Variants in PLD1 observed in about 807,000 individuals in gnomAD.
The protein encoded by PLD1 is choline phosphatase 1.
Under a neutral mutation model 137.1 loss-of-function variants are expected in PLD1, and 112 were observed. That is an observed-to-expected ratio of 0.82 (90% CI 0.70 to 0.96). The LOEUF (loss-of-function observed/expected upper bound fraction) is 0.96. Among genes scored for constraint, PLD1 ranks in the 40% least tolerant of loss-of-function variants. The probability of loss-of-function intolerance (pLI) is 0.00; values close to 1 mark genes in which losing one functional copy is unlikely to be tolerated. For missense variants in PLD1, 1,321 were observed against 1,342.0 expected (o/e 0.98, Z 0.24); for synonymous variants, 431 against 454.7 (o/e 0.95, Z 0.66).
chr3:171,654,064 G>C, intron 21 of PLD1: 1 of 381,530 alleles, frequency 2.6e-6, no homozygotes, highest in Non-Finnish European at 5.1e-6. Context: ...ACTTTGGGAG[G>C]CCGAGGTGGG....
intron 1 of PLD1, among the ~76,000 whole-genome samples, chr3:171,758,856 T>C (rs1388062516): frequency 1.3e-5 from 2 of 152,222 alleles, no homozygotes; most frequent in Non-Finnish European, 2.9e-5. Flanking sequence ...TAACTGAATC[T>C]ATAGGGAGTG....
At chr3:171,668,260 A>G (rs182571921) in intron 19 of PLD1, among the ~76,000 whole-genome samples, 3 of 152,356 alleles carry the variant, frequency 2.0e-5, no homozygotes, top group Admixed American at 2.0e-4. Context: ...GTGTTAGTCC[A>G]TGAAGGCCTG....
rs558362475 is a variant in PLD1, at chr3:171,743,498, T to C, written c.-31-5416A>G. The stretch of plus-strand genomic sequence containing the variant: ...CAGCTAATGCTTCCTTTTCCCTGCA[T>C]GTCTTCCTGGCCTCATCCAACCTGC... On this transcript the variant is annotated intron_variant, in intron 1 of 26. Transcript: ENST00000351298. 4.6e-5 allele frequency among the ~76,000 whole-genome samples: 7 copies of C among 152,314 alleles called. No homozygotes were observed. The East Asian group carries it at 1.2e-3, about 25-fold the overall frequency.
At chr3:171,708,229 A>G (rs1716850003) in intron 11 of PLD1, among the ~76,000 whole-genome samples, 1 of 152,208 alleles carries the variant, frequency 6.6e-6, no homozygotes, top group African/African-American at 2.4e-5. Context: ...GGTGACTTTA[A>G]TAAGCATAGC....
chr3:171,651,118 A>G (rs978659929), intron 21 of PLD1, among the ~76,000 whole-genome samples: 29 of 152,212 alleles, frequency 1.9e-4, no homozygotes, highest in African/African-American at 5.8e-4. Context: ...TCTGCTCACA[A>G]CTGGGTCTCA....
At chr3:171,776,977 G>A (rs948539233) in intron 1 of PLD1, among the ~76,000 whole-genome samples, 4 of 151,534 alleles carry the variant, frequency 2.6e-5, no homozygotes, top group Admixed American at 1.3e-4. Context: ...GTTCACAGAC[G>A]ACTTTGGCCC....
In PLD1 at chr3:171,770,888, C is replaced by CAAAAAAAAAAAAAAAAAAAAAAAAA. The variant is rs34683994; in HGVS notation, c.-31-32807_-31-32806insTTTTTTTTTTTTTTTTTTTTTTTTT. Among the ~76,000 whole-genome samples the CAAAAAAAAAAAAAAAAAAAAAAAAA allele has an allele frequency of 3.4e-4, 14 of 40,876 alleles. 1 individual carries two copies. The highest frequency in any genetic ancestry group is 1.0e-3 in the African/African-American group (13 of 12,600). The allele number at this position is 40,876 out of a possible 152,430, so 26.8% of individuals were successfully genotyped here. ...TTGGTGACAGAGCAAAACCCTATCTCAAAAAAAAAAAAAAAAAAAAAAAGG... is the reference window on the plus strand; with the variant it reads ...TTGGTGACAGAGCAAAACCCTATCTCAAAAAAAAAAAAAAAAAAAAAAAAAAAAAAAAAAAAAAAAAAAAAAAAGG... On this transcript the variant is annotated intron_variant, in intron 1 of 26. Transcript: ENST00000351298.
chr3:171,764,086 C>T (rs1203815789), intron 1 of PLD1, among the ~76,000 whole-genome samples: 1 of 152,096 alleles, frequency 6.6e-6, no homozygotes, highest in East Asian at 1.9e-4. Flanking sequence ...ATCCTCCCAC[C>T]TCAGCCTCCC....
intron 1 of PLD1, 38 bp from the exon 2 acceptor site, chr3:171,738,120 T>TTA: frequency 8.0e-7 from 1 of 1,255,214 alleles, no homozygotes; most frequent in Non-Finnish European, 1.1e-6. Flanking sequence ...ACTTAGCATT[T>TTA]TGATAACATA....
chr3:171,765,655 T>A (rs1442721740), intron 1 of PLD1, among the ~76,000 whole-genome samples: 2 of 152,222 alleles, frequency 1.3e-5, no homozygotes, highest in Non-Finnish European at 2.9e-5. Flanking sequence ...CATTTTGGGC[T>A]TCAGTGACTT....
At chr3:171,800,663 C>T (rs1336599446) in intron 1 of PLD1, among the ~76,000 whole-genome samples, 2 of 152,236 alleles carry the variant, frequency 1.3e-5, no homozygotes, top group Non-Finnish European at 2.9e-5. Flanking sequence ...TTAGTCCACT[C>T]AGGCTACTGT....
At chr3:171,703,102 G>A (rs1008224383) in intron 11 of PLD1, among the ~76,000 whole-genome samples, 3 of 151,000 alleles carry the variant, frequency 2.0e-5, no homozygotes, top group East Asian at 4.0e-4. Flanking sequence ...GGAGAAAAAC[G>A]TTATTATTCA....
intron 12 of PLD1, among the ~76,000 whole-genome samples, chr3:171,695,113 A>G (rs1715560077): frequency 6.6e-6 from 1 of 152,214 alleles, no homozygotes; most frequent in Non-Finnish European, 1.5e-5. Flanking sequence ...AACTCTAGCC[A>G]TAAAGGGCAA....
chr3:171,633,040 G>T (rs556043864), intron 23 of PLD1, among the ~76,000 whole-genome samples: 1 of 152,178 alleles, frequency 6.6e-6, no homozygotes, highest in Non-Finnish European at 1.5e-5. Flanking sequence ...TGATCTAAAA[G>T]AAAGATAATG....
At chr3:171,698,067 T>C (rs1247992459) in intron 12 of PLD1, among the ~76,000 whole-genome samples, 5 of 152,202 alleles carry the variant, frequency 3.3e-5, no homozygotes, top group African/African-American at 1.2e-4. Flanking sequence ...AATAGAATCT[T>C]GAGGGAAAAT....
Position 171,623,312 on chromosome 3 carries a change from A to ATTTTT in PLD1, c.2594-2793_2594-2792insAAAAA, listed in dbSNP as rs760981558. On this transcript the variant is annotated intron_variant, in intron 23 of 26. Coordinates refer to ENST00000351298, the MANE Select transcript of PLD1 (RefSeq NM_002662.5). ...AGCTATGAGTCATTAGCCCTATCAGACTTTTTTTTTTTTTTTTTTTGAGAT... is the reference window on the plus strand; with the variant it reads ...AGCTATGAGTCATTAGCCCTATCAGATTTTTCTTTTTTTTTTTTTTTTTTTGAGAT... Among the ~76,000 whole-genome samples the ATTTTT allele has an allele frequency of 4.3e-5, 6 of 138,962 alleles. 1 individual carries two copies. Among genetic ancestry groups the ATTTTT allele is most frequent in the Non-Finnish European group, 6.2e-5 (4 of 64,790 alleles). 91.2% of individuals were successfully genotyped at this position (138,962 alleles called of 152,430 possible).
intron 16 of PLD1, among the ~76,000 whole-genome samples, chr3:171,678,955 T>G (rs1172803357): frequency 6.6e-6 from 1 of 151,704 alleles, no homozygotes; most frequent in Admixed American, 6.6e-5. Flanking sequence ...GATATCCTAA[T>G]CATCCTTCAA....
intron 22 of PLD1, among the ~76,000 whole-genome samples, chr3:171,643,666 C>A (rs182957015): frequency 2.2e-3 from 338 of 152,010 alleles, no homozygotes; most frequent in Non-Finnish European, 3.8e-3. Context: ...AACAATATTA[C>A]AAAAATAATA....
rs7616760 is a variant in PLD1, at chr3:171,729,473, C to T, written c.607-3397G>A. 6.9e-3 allele frequency among the ~76,000 whole-genome samples: 1,051 copies of T among 152,268 alleles called. 12 individuals carry two copies. The highest frequency in any genetic ancestry group is 0.02 in the African/African-American group (822 of 41,542). On this transcript the variant is annotated intron_variant, in intron 6 of 26. Transcript: ENST00000351298. ...TCACGTACACACTGCCCCTTCCACC[C>T]ATCCTTGTATTGTAAGAGAAGGGTG...
Sources: gnomAD v4.1 joint callset for allele counts (sites outside exome capture counted in the v4.1 genomes callset) on GRCh38, gnomAD v4.1.1 for gene constraint, MANE v1.5 for transcripts, NCBI Gene and HGNC (gene_info 2026-07-23, HGNC 2026-07-21) for gene names.